Variants in FAF1 observed in about 807,000 individuals in gnomAD.
The protein encoded by FAF1 is FAS-associated factor 1.
Under a neutral mutation model 92.5 loss-of-function variants are expected in FAF1, and 25 were observed. The observed-to-expected ratio is 0.27, with a 90% CI of 0.20 to 0.38. FAF1 has a LOEUF of 0.38. Ranked by LOEUF, FAF1 falls within the 10% of genes least tolerant of loss-of-function variation. The pLI is 1.00. For missense variants in FAF1, 636 were observed against 793.3 expected, an observed-to-expected ratio of 0.80 and a Z score of 2.38; for synonymous variants, 234 against 273.2, an observed-to-expected ratio of 0.86 and a Z score of 1.42.
intron 1 of FAF1, among the ~76,000 whole-genome samples, chr1:50,954,109 C>T (rs553170836): frequency 1.3e-5 from 2 of 152,082 alleles, no homozygotes; most frequent in African/African-American, 4.8e-5. Context: ...CCACCATGCC[C>T]AGCTAATTTT....
At chr1:50,897,916 A>G (rs535642757) in intron 1 of FAF1, among the ~76,000 whole-genome samples, 2 of 152,110 alleles carry the variant, frequency 1.3e-5, no homozygotes, top group Non-Finnish European at 2.9e-5. Flanking sequence ...TTTATCTGTG[A>G]TCTCATCAGA....
intron 6 of FAF1, 66 bp from the exon 7 acceptor site, chr1:50,705,957 G>C: frequency 1.0e-6 from 1 of 957,592 alleles, no homozygotes; most frequent in South Asian, 1.4e-5. Context: ...TTTACAGCTA[G>C]CTGCAAAAAC....
At chr1:50,818,732 A>G (rs1001074033) in intron 2 of FAF1, among the ~76,000 whole-genome samples, 2 of 152,190 alleles carry the variant, frequency 1.3e-5, no homozygotes, top group South Asian at 2.1e-4. Flanking sequence ...CAGACCCACA[A>G]TAAGAAATCT....
intron 8 of FAF1, among the ~76,000 whole-genome samples, chr1:50,619,681 C>A (rs1260847234): frequency 6.6e-6 from 1 of 152,024 alleles, no homozygotes; most frequent in Non-Finnish European, 1.5e-5. Context: ...AAGATTTTTT[C>A]TTTTACATTG....
At chr1:50,890,999 A>G (rs1358524823) in intron 1 of FAF1, among the ~76,000 whole-genome samples, 1 of 152,202 alleles carries the variant, frequency 6.6e-6, no homozygotes, top group Non-Finnish European at 1.5e-5. Flanking sequence ...AGGTACACCA[A>G]TCAAACGTAG....
At chr1:50,799,772 T>C (rs184641491) in intron 3 of FAF1, among the ~76,000 whole-genome samples, 191 of 152,314 alleles carry the variant, frequency 1.3e-3, no homozygotes, top group African/African-American at 3.8e-3. Context: ...TTCGACTTTA[T>C]TATAAAAACC....
At chr1:50,807,172 G>C (rs1051734337) in intron 2 of FAF1, among the ~76,000 whole-genome samples, 6 of 152,214 alleles carry the variant, frequency 3.9e-5, no homozygotes, top group Non-Finnish European at 8.8e-5. Flanking sequence ...GGAGATAAAA[G>C]ACAAATGGCA....
chr1:50,613,538 T>G (rs1007907601), intron 8 of FAF1, among the ~76,000 whole-genome samples: 4 of 152,208 alleles, frequency 2.6e-5, no homozygotes, highest in Non-Finnish European at 5.9e-5. Flanking sequence ...TTGTAAGACA[T>G]GATTGCTCTT....
At chr1:50,448,314 ACCT>A (rs1246654650) in intron 18 of FAF1, among the ~76,000 whole-genome samples, 5 of 152,170 alleles carry the variant, frequency 3.3e-5, no homozygotes, top group South Asian at 4.2e-4. Context: ...CACTGCTATA[ACCT>A]CCTAGCTGTC....
Position 50,857,884 on chromosome 1 carries a change from T to C in FAF1, c.114+45A>G, listed in dbSNP as rs200690170. 1.2e-3 allele frequency: 1,454 copies of C among 1,186,366 alleles called. 2 individuals carry two copies. The highest frequency in any genetic ancestry group is 1.7e-3 in the Non-Finnish European group (1,354 of 813,650). 73.5% of individuals were successfully genotyped at this position (1,186,366 alleles called of 1,614,324 possible). ...AAAAATAATTAAAGACATTCAAGAA[T>C]TCATAAAATTTGATTACTCATCAGA... On this transcript the variant is annotated intron_variant, in intron 2 of 18. Transcript: ENST00000396153.
chr1:50,547,406 A>C (rs1322402626), intron 13 of FAF1, among the ~76,000 whole-genome samples: 3 of 149,754 alleles, frequency 2.0e-5, no homozygotes, highest in Non-Finnish European at 4.4e-5. Context: ...AGAGTTTTAA[A>C]AAGCCACGTA....
chr1:50,683,860 A>G (rs964882531), intron 7 of FAF1, among the ~76,000 whole-genome samples: 3 of 150,648 alleles, frequency 2.0e-5, no homozygotes, highest in African/African-American at 7.3e-5. Flanking sequence ...TGAACCTAGG[A>G]GGCGGAGGTT....
At chr1:50,947,250 T>C (rs1645178391) in intron 1 of FAF1, among the ~76,000 whole-genome samples, 1 of 152,170 alleles carries the variant, frequency 6.6e-6, no homozygotes, top group South Asian at 2.1e-4. Context: ...TCACTAACAC[T>C]CTTCTATTAT....
chr1:50,688,803 ACT>A (rs1214732148), intron 7 of FAF1, among the ~76,000 whole-genome samples: 2 of 152,154 alleles, frequency 1.3e-5, no homozygotes, highest in Admixed American at 6.5e-5. Context: ...CAAGAGCGAA[ACT>A]CTATCTCAAA....
chr1:50,838,380 CAT>C (rs1644228914), intron 2 of FAF1, among the ~76,000 whole-genome samples: 1 of 150,706 alleles, frequency 6.6e-6, no homozygotes, highest in South Asian at 2.1e-4. Context: ...TATAATTTTA[CAT>C]GTTAATATAA....
chr1:50,645,530 A>G (rs142165669), intron 8 of FAF1, among the ~76,000 whole-genome samples: 2 of 152,304 alleles, frequency 1.3e-5, no homozygotes, highest in Admixed American at 6.5e-5. Flanking sequence ...CAGTACATTA[A>G]GAAATCAATG....
intron 1 of FAF1, among the ~76,000 whole-genome samples, chr1:50,950,285 C>T (rs1056827149): frequency 6.6e-6 from 1 of 152,208 alleles, no homozygotes; most frequent in Non-Finnish European, 1.5e-5. Context: ...TAACAACTGC[C>T]CCTTATGGAG....
chr1:50,722,129 C>T (rs1658435339), intron 6 of FAF1, among the ~76,000 whole-genome samples: 1 of 152,162 alleles, frequency 6.6e-6, no homozygotes, highest in Non-Finnish European at 1.5e-5. Flanking sequence ...CTGGCAATTG[C>T]TCATCTATTC....
chr1:50,616,548 C>T (rs936698453), intron 8 of FAF1, among the ~76,000 whole-genome samples: 1 of 151,972 alleles, frequency 6.6e-6, no homozygotes, highest in Non-Finnish European at 1.5e-5. Context: ...AGAGATCTTC[C>T]ACCTCCTTGG....
Sources: allele counts gnomAD v4.1 joint callset (sites outside exome capture counted in the v4.1 genomes callset), GRCh38; gene constraint gnomAD v4.1.1; transcripts MANE v1.5; gene names NCBI Gene and HGNC (gene_info 2026-07-23, HGNC 2026-07-21).